PUS7: variants seen among roughly 807,000 people sequenced by gnomAD.
PUS7 encodes pseudouridine synthase 7.
PUS7 carries 48 observed loss-of-function variants against 79.8 expected under a neutral mutation model. The ratio of observed to expected loss-of-function variants is 0.60; its 90% CI spans 0.48 to 0.76. The LOEUF is 0.76. PUS7 is among the 30% of genes least tolerant of loss of function. The pLI, the probability that PUS7 is intolerant of heterozygous loss-of-function variation, is 0.00. For synonymous variants in PUS7, 286 were observed against 272.2 expected (o/e 1.05, Z -0.50); for missense variants, 729 against 797.6 (o/e 0.91, Z 1.04).
intron 7 of PUS7, among the ~76,000 whole-genome samples, chr7:105,487,890 GTGCT>G (rs1157970144): frequency 2.0e-5 from 3 of 152,184 alleles, no homozygotes; most frequent in Non-Finnish European, 2.9e-5. Context: ...CTGAAAAGAC[GTGCT>G]GCTTATCCCC....
At chr7:105,520,519 AAAATAAATAAATAAAT>A (rs139684453) in intron 1 of PUS7, among the ~76,000 whole-genome samples, 16 of 140,626 alleles carry the variant, frequency 1.1e-4, no homozygotes, top group East Asian at 2.0e-4. Context: ...AGACTGTCTC[AAAATAAATAAATAAAT>A]AAATAAATAA....
At chr7:105,498,276 A>G (rs151182386) in intron 5 of PUS7, among the ~76,000 whole-genome samples, 13 of 152,322 alleles carry the variant, frequency 8.5e-5, no homozygotes, top group Admixed American at 7.2e-4. Flanking sequence ...GTCTCCATTT[A>G]TTTTGGGCAA....
chr7:105,504,322 C>T (rs766143560), intron 4 of PUS7, among the ~76,000 whole-genome samples: 7 of 152,002 alleles, frequency 4.6e-5, no homozygotes, highest in Admixed American at 1.3e-4. Context: ...CCACCCACCT[C>T]GGCCTCCCAA....
chr7:105,501,049 T>C (rs1222036398), intron 5 of PUS7, among the ~76,000 whole-genome samples: 3 of 152,352 alleles, frequency 2.0e-5, no homozygotes, highest in Non-Finnish European at 2.9e-5. Flanking sequence ...CTCATCTCTA[T>C]AGCACTATCC....
At chr7:105,462,507 C>A in intron 14 of PUS7, 114 bp downstream of exon 14, 3 of 1,081,152 alleles carry the variant, frequency 2.8e-6, no homozygotes, top group Non-Finnish European at 2.7e-6. Context: ...ATCATATAAG[C>A]AATCTGTCAC....
At chr7:105,483,530 C>G (rs918884314) in intron 7 of PUS7, among the ~76,000 whole-genome samples, 2 of 152,168 alleles carry the variant, frequency 1.3e-5, no homozygotes, top group African/African-American at 4.8e-5. Flanking sequence ...AACTCCTGAC[C>G]TCAGGTGATC....
chr7:105,504,313 C>G (rs943847903), intron 4 of PUS7, among the ~76,000 whole-genome samples: 2 of 151,862 alleles, frequency 1.3e-5, no homozygotes, highest in African/African-American at 4.8e-5. Context: ...TTAGGTGATC[C>G]ACCCACCTCG....
At chr7:105,503,743 C>T (rs1310184656) in intron 4 of PUS7, among the ~76,000 whole-genome samples, 1 of 152,130 alleles carries the variant, frequency 6.6e-6, no homozygotes, top group Non-Finnish European at 1.5e-5. Flanking sequence ...AGCCATCCTC[C>T]TATCTCAGCC....
Position 105,470,785 on chromosome 7 carries a change from G to A in PUS7, c.1301C>T (p.Ala434Val). 6.2e-7 allele frequency: 1 copy of A among 1,612,438 alleles called. No individual in the cohort carries two copies. Among genetic ancestry groups the A allele is most frequent in the African/African-American group, 1.3e-5 (1 of 75,012 alleles). Residue 434 changes from alanine (A) to valine (V), a missense_variant, in exon 11 of 16, where the codon GCC (alanine) becomes GTC (valine). Ala to Val is a moderately conservative substitution (Grantham distance 64). Coordinates refer to ENST00000469408, the MANE Select transcript of PUS7 (RefSeq NM_019042.5). ...CCTTTTGACAGGTAGTTTTCTGAGG[G>A]CAGCAGTTGGGTCTTTGGTCTTTGC... The part of the protein sequence containing the change: ...EWAKTKDPTA[A>V]LRKLPVKRCV...
At chr7:105,479,304 A>G (rs867792580) in intron 9 of PUS7, among the ~76,000 whole-genome samples, 35 of 152,352 alleles carry the variant, frequency 2.3e-4, no homozygotes, top group African/African-American at 8.2e-4. Context: ...TAAAATCACA[A>G]AAATGAATGC....
intron 15 of PUS7, 31 bp downstream of exon 15, chr7:105,459,137 C>A: frequency 7.2e-7 from 1 of 1,394,708 alleles, no homozygotes; most frequent in South Asian, 1.4e-5. Context: ...ATTTCAAAGT[C>A]AACACAGAGC....
intron 6 of PUS7, among the ~76,000 whole-genome samples, chr7:105,492,117 G>A (rs929214574): frequency 2.0e-5 from 3 of 150,650 alleles, no homozygotes; most frequent in Admixed American, 6.6e-5. Context: ...AAAAGTAAAT[G>A]ATAGCCAGGT....
In PUS7 at chr7:105,462,688, T is replaced by C; in HGVS notation, c.1690A>G (p.Lys564Glu). The change falls in exon 14 of 16, where the codon AAA becomes GAA. Residue 564 changes from lysine (K) to glutamate (E), a missense_variant. By Grantham distance (56) the Lys-to-Glu change is moderately conservative. Transcript: ENST00000469408. Reference sequence around the variant, plus strand: ...CCTGACAAGGAATAATCTCGAATTTTGTGTCTCATGTTGTCAATATCAAGA... The same window carrying C: ...CCTGACAAGGAATAATCTCGAATTTCGTGTCTCATGTTGTCAATATCAAGA... ...DNLDIDNMRHKIRDYSLSGAY... is the reference protein window; with the variant it reads ...DNLDIDNMRHEIRDYSLSGAY... The C allele has an allele frequency of 6.2e-7, 1 of 1,613,876 alleles. No individual in the cohort carries two copies. Among genetic ancestry groups the C allele is most frequent in the Non-Finnish European group, 8.5e-7 (1 of 1,179,884 alleles).
At chr7:105,489,870 A>G (rs1219018454) in intron 7 of PUS7, among the ~76,000 whole-genome samples, 12 of 152,130 alleles carry the variant, frequency 7.9e-5, no homozygotes, top group African/African-American at 2.9e-4. Context: ...TGTAATCCCA[A>G]CACTGTGGGA....
intron 7 of PUS7, among the ~76,000 whole-genome samples, chr7:105,482,855 T>G (rs1266517839): frequency 1.3e-5 from 2 of 152,092 alleles, no homozygotes; most frequent in Admixed American, 1.3e-4. Context: ...ATCAGAAAAA[T>G]TTTGTAAACT....
chr7:105,517,614 G>C (rs1825946528), intron 1 of PUS7, among the ~76,000 whole-genome samples: 1 of 152,132 alleles, frequency 6.6e-6, no homozygotes, highest in South Asian at 2.1e-4. Context: ...TAAGCTTTAA[G>C]AAGTACTCTT....
intron 14 of PUS7, among the ~76,000 whole-genome samples, chr7:105,460,219 T>G (rs1823365059): frequency 1.3e-5 from 2 of 152,148 alleles, no homozygotes; most frequent in Admixed American, 1.3e-4. Context: ...ATTACAGGCG[T>G]GAGCCACCGT....
At chr7:105,485,706 C>T (rs146966097) in intron 7 of PUS7, among the ~76,000 whole-genome samples, 202 of 152,334 alleles carry the variant, frequency 1.3e-3, no homozygotes, top group African/African-American at 4.5e-3. Context: ...TTAAATGATA[C>T]TTTGAATACG....
chr7:105,472,030 AAAC>A (rs1563358959), intron 10 of PUS7, 99 bp downstream of exon 10: 4 of 705,410 alleles, frequency 5.7e-6, no homozygotes, highest in Admixed American at 3.1e-5. Context: ...TAAAATACTG[AAAC>A]AACAACGTCA....
Sources: gnomAD v4.1 joint callset for allele counts (sites outside exome capture counted in the v4.1 genomes callset) on GRCh38, gnomAD v4.1.1 for gene constraint, MANE v1.5 for transcripts, NCBI Gene and HGNC (gene_info 2026-07-23, HGNC 2026-07-21) for gene names.